Variants in HIF3A observed in about 807,000 individuals in gnomAD.
HIF3A encodes hypoxia inducible factor 3 subunit alpha.
A neutral mutation model predicts 67.2 loss-of-function variants in HIF3A; 41 were observed. The observed-to-expected ratio is 0.61, with a 90% confidence interval of 0.48 to 0.79. HIF3A has a LOEUF of 0.79. Among genes scored for constraint, HIF3A ranks in the 30% least tolerant of loss-of-function variants. HIF3A has a pLI of 0.00. For synonymous variants in HIF3A, 356 were observed against 374.8 expected, an observed-to-expected ratio of 0.95 and a Z score of 0.58; for missense variants, 855 against 898.0, an observed-to-expected ratio of 0.95 and a Z score of 0.61.
intron 13 of HIF3A, among the ~76,000 whole-genome samples, chr19:46,332,648 C>G (rs1971317268): frequency 6.6e-6 from 1 of 152,208 alleles, no homozygotes; most frequent in African/African-American, 2.4e-5. Flanking sequence ...TGGTTCTTCA[C>G]TCTGCAAAGG....
At chr19:46,302,717 T>C (rs1193100032) in intron 1 of HIF3A, among the ~76,000 whole-genome samples, 1 of 151,806 alleles carries the variant, frequency 6.6e-6, no homozygotes, top group Non-Finnish European at 1.5e-5. Context: ...CTACAAAAAA[T>C]ACAAAAATTA....
chr19:46,299,498 T>C (rs1429254751), intron 1 of HIF3A, among the ~76,000 whole-genome samples: 1 of 151,994 alleles, frequency 6.6e-6, no homozygotes, highest in Non-Finnish European at 1.5e-5. Flanking sequence ...GGTGGGCGGA[T>C]TGCTTGAGTT....
rs1039640752 is a variant in HIF3A, at chr19:46,304,233, C to A, written c.217+145C>A. Reference sequence around the variant, plus strand: ...TCGTTTTTTTCGGCGGAGCCCCACCCCCCTGGAATCGACTTCCCCGGGGAG... The same window carrying A: ...TCGTTTTTTTCGGCGGAGCCCCACCACCCTGGAATCGACTTCCCCGGGGAG... On this transcript the variant is annotated intron_variant, in intron 2 of 14. Coordinates refer to ENST00000377670, the MANE Select transcript of HIF3A (RefSeq NM_152795.4). 5.1e-5 allele frequency: 35 copies of A among 682,376 alleles called. No homozygotes were observed. The African/African-American group carries it at 5.8e-4, about 11-fold the overall frequency. 42.3% of individuals were successfully genotyped at this position (682,376 alleles called of 1,614,324 possible).
At chr19:46,302,781 G>A (rs999926060) in intron 1 of HIF3A, among the ~76,000 whole-genome samples, 1 of 152,130 alleles carries the variant, frequency 6.6e-6, no homozygotes, top group African/African-American at 2.4e-5. Flanking sequence ...GGCTGAGGCT[G>A]GAGGATGGCT....
At chr19:46,309,612 G>A (rs1018562902) in intron 6 of HIF3A, among the ~76,000 whole-genome samples, 2 of 151,692 alleles carry the variant, frequency 1.3e-5, no homozygotes, top group Admixed American at 6.6e-5. Context: ...CTCCCACTTC[G>A]GCCTCCCAAA....
At chr19:46,307,889 G>A (rs149854919) in intron 3 of HIF3A, among the ~76,000 whole-genome samples, 1,616 of 152,178 alleles carry the variant, frequency 0.011, 16 homozygotes, top group Non-Finnish European at 0.017. Flanking sequence ...TCGCGCCACT[G>A]CCCCGCTGCA....
At chr19:46,314,914 C>G (rs1349572577) in intron 8 of HIF3A, among the ~76,000 whole-genome samples, 1 of 146,854 alleles carries the variant, frequency 6.8e-6, no homozygotes, top group East Asian at 2.3e-4. Context: ...CTCCCACACT[C>G]CCATGTCCCT....
chr19:46,320,145 G>C (rs1043956960), intron 8 of HIF3A: 1 of 243,110 alleles, frequency 4.1e-6, no homozygotes, highest in Admixed American at 5.4e-5. Flanking sequence ...CAGGAGAATC[G>C]CTTGAACCTG....
chr19:46,309,063 G>C, intron 5 of HIF3A, 88 bp from the exon 6 acceptor site: 1 of 1,129,558 alleles, frequency 8.9e-7, no homozygotes, highest in Non-Finnish European at 1.3e-6. Flanking sequence ...TCAGCTCCCT[G>C]ATGGGCCCTC....
chr19:46,332,175 T>C (rs1460009213), intron 13 of HIF3A, among the ~76,000 whole-genome samples: 2 of 152,046 alleles, frequency 1.3e-5, no homozygotes, highest in East Asian at 3.9e-4. Flanking sequence ...GGGACTGCCA[T>C]GAGGATTAAA....
intron 1 of HIF3A, among the ~76,000 whole-genome samples, chr19:46,301,838 T>A (rs1474429103): frequency 7.0e-6 from 1 of 143,282 alleles, no homozygotes; most frequent in African/African-American, 2.5e-5. Context: ...AAAAAAAAAT[T>A]AAAAATTAAA....
chr19:46,331,855 C>CAAAA (rs532285027), intron 13 of HIF3A, among the ~76,000 whole-genome samples: 123 of 51,288 alleles, frequency 2.4e-3, no homozygotes, highest in African/African-American at 7.1e-3. Context: ...AACTCCGTCT[C>CAAAA]AAAAAAAAAA....
At chr19:46,320,737 C>T (rs1249625055) in intron 9 of HIF3A, among the ~76,000 whole-genome samples, 176 bp downstream of exon 9, 2 of 152,320 alleles carry the variant, frequency 1.3e-5, no homozygotes, top group East Asian at 1.9e-4. Context: ...ACTCCAGCCT[C>T]GTGCCTCAGG....
rs529479026 is a variant in HIF3A, at chr19:46,316,141, G to T, written c.1025+3488G>T. ...AGCTACTCAGGAGGCTGAGGCAGGAGAATCACTTGAACCTGGGAGGCAGAG... is the reference window on the plus strand; with the variant it reads ...AGCTACTCAGGAGGCTGAGGCAGGATAATCACTTGAACCTGGGAGGCAGAG... On this transcript the variant is annotated intron_variant, in intron 8 of 14. Coordinates refer to ENST00000377670, the MANE Select transcript of HIF3A (RefSeq NM_152795.4). 3.9e-4 allele frequency among the ~76,000 whole-genome samples: 60 copies of T among 152,062 alleles called. 1 individual carries two copies. The highest frequency in any genetic ancestry group is 1.3e-3 in the African/African-American group (55 of 41,462).
intron 8 of HIF3A, among the ~76,000 whole-genome samples, chr19:46,316,376 T>C (rs1361479318): frequency 6.6e-6 from 1 of 152,204 alleles, no homozygotes; most frequent in Admixed American, 6.5e-5. Context: ...TTGGTGTTAC[T>C]TTTAGTCATT....
intron 3 of HIF3A, among the ~76,000 whole-genome samples, chr19:46,306,821 GA>G (rs1968893440): frequency 6.6e-6 from 1 of 152,154 alleles, no homozygotes. Flanking sequence ...CCAGCTACAA[GA>G]GATGTTGTCA....
Position 46,314,757 on chromosome 19 carries a change from C to T in HIF3A, c.1025+2104C>T, listed in dbSNP as rs1969781177. Among the ~76,000 whole-genome samples, 3 of 146,512 alleles carry T rather than the reference C, an allele frequency of 2.0e-5. 1 individual carries two copies. The South Asian group carries it at 6.7e-4, about 33-fold the overall frequency. ...TATTTTTAGTAGAGTCGGGGTTTCA[C>T]CATGTTGGCCAGGCTGGTCTCGAAC... On this transcript the variant is annotated intron_variant, in intron 8 of 14. Transcript: ENST00000377670.
At chr19:46,317,187 C>A (rs1273941990) in intron 8 of HIF3A, among the ~76,000 whole-genome samples, 1 of 152,048 alleles carries the variant, frequency 6.6e-6, no homozygotes, top group Non-Finnish European at 1.5e-5. Context: ...TCCCAAAATG[C>A]TGGGATTACA....
At chr19:46,305,706 G>A (rs1428326570) in intron 3 of HIF3A, among the ~76,000 whole-genome samples, 1 of 152,110 alleles carries the variant, frequency 6.6e-6, no homozygotes, top group Non-Finnish European at 1.5e-5. Context: ...GATCAGTGAA[G>A]ATCAGGAATG....
Sources: gnomAD v4.1 joint callset for allele counts (sites outside exome capture counted in the v4.1 genomes callset) on GRCh38, gnomAD v4.1.1 for gene constraint, MANE v1.5 for transcripts, NCBI Gene and HGNC (gene_info 2026-07-23, HGNC 2026-07-21) for gene names.